The following HAPSTR1 variants were observed in gnomAD, a reference collection of about 807,000 sequenced individuals.
HAPSTR1 encodes the protein HUWE1-associated protein modifying stress responses 1.
chr16:9,119,508 A>C, the HAPSTR1 span: 1 of 152,232 alleles, frequency 6.6e-6, no homozygotes, highest in Non-Finnish European at 1.5e-5. Flanking sequence ...GGGCAAGTTG[A>C]AGTTCATCCT....
chr16:9,121,424 G>A, the HAPSTR1 span: 1 of 152,150 alleles, frequency 6.6e-6, no homozygotes, highest in Non-Finnish European at 1.5e-5. Flanking sequence ...CCAGTGTTGG[G>A]TATTTATACT....
the HAPSTR1 span, chr16:9,091,662 C>G: frequency 8.5e-5 from 34 of 398,154 alleles, no homozygotes; most frequent in Non-Finnish European, 1.3e-4. Context: ...TTGGGGTGGG[C>G]TCCGCGGTGC....
At chr16:9,119,360 T>TG in the HAPSTR1 span, 3 of 152,224 alleles carry the variant, frequency 2.0e-5, no homozygotes, top group Admixed American at 1.3e-4. Context: ...TTCAGTTTCT[T>TG]GAACGGTTAA....
At chr16:9,111,408 A>G in the HAPSTR1 span, 1 of 152,242 alleles carries the variant, frequency 6.6e-6, no homozygotes, top group East Asian at 1.9e-4. Flanking sequence ...TGAAGTCTGG[A>G]ATTTGTAAAT....
chr16:9,098,684 T>C, the HAPSTR1 span, among the ~76,000 whole-genome samples: 1 of 152,126 alleles, frequency 6.6e-6, no homozygotes, highest in Non-Finnish European at 1.5e-5. Context: ...GAATAAAATA[T>C]TTTTCTGTGT....
chr16:9,110,722 T>G, the HAPSTR1 span: 2 of 152,254 alleles, frequency 1.3e-5, no homozygotes, highest in African/African-American at 4.8e-5. Flanking sequence ...CACAAATGTT[T>G]TGGTTAAGTA....
the HAPSTR1 span, chr16:9,117,021 A>G: frequency 6.8e-7 from 1 of 1,468,534 alleles, no homozygotes; most frequent in Non-Finnish European, 9.2e-7. Context: ...TCACTGTTTA[A>G]GACAAGTGAA....
At chr16:9,094,473 G>C in the HAPSTR1 span, among the ~76,000 whole-genome samples, 1 of 151,700 alleles carries the variant, frequency 6.6e-6, no homozygotes, top group Non-Finnish European at 1.5e-5. Context: ...CACTGTTTTA[G>C]GATATATACT....
At chr16:9,092,021 CGAGGCCGCGG>C in the HAPSTR1 span, 121 of 1,483,454 alleles carry the variant, frequency 8.2e-5, no homozygotes, top group South Asian at 2.2e-4. Flanking sequence ...GCGGTGGCGG[CGAGGCCGCGG>C]GAGGCCGCGG....
At chr16:9,112,075 T>A in the HAPSTR1 span, 2 of 152,222 alleles carry the variant, frequency 1.3e-5, no homozygotes, top group Non-Finnish European at 2.9e-5. Flanking sequence ...GTGCTTTATT[T>A]CAATAAAAAT....
chr16:9,104,001 G>A, the HAPSTR1 span: 1 of 152,104 alleles, frequency 6.6e-6, no homozygotes, highest in African/African-American at 2.4e-5. Context: ...ATTGAATACT[G>A]CTGTAGGAAA....
the HAPSTR1 span, among the ~76,000 whole-genome samples, chr16:9,114,912 T>G: frequency 6.6e-6 from 1 of 152,138 alleles, no homozygotes; most frequent in Non-Finnish European, 1.5e-5. Flanking sequence ...ATGTTAATGC[T>G]TCTATTTTTT....
At chr16:9,117,014 C>G in the HAPSTR1 span, 2 of 1,492,898 alleles carry the variant, frequency 1.3e-6, no homozygotes, top group African/African-American at 1.4e-5. Context: ...CCCTTGTTCA[C>G]TGTTTAAGAC....
At chr16:9,106,291 G>A in the HAPSTR1 span, 2 of 149,850 alleles carry the variant, frequency 1.3e-5, no homozygotes, top group Non-Finnish European at 1.5e-5. Flanking sequence ...TTATCAAATA[G>A]GTTTTTTTTT....
At chr16:9,109,699 T>C in the HAPSTR1 span, 1 of 152,242 alleles carries the variant, frequency 6.6e-6, no homozygotes, top group African/African-American at 2.4e-5. Flanking sequence ...GTTCCTTTCA[T>C]GTTTAAAACA....
At chr16:9,116,916 GCAAA>G in the HAPSTR1 span, 2 of 1,612,704 alleles carry the variant, frequency 1.2e-6, no homozygotes, top group East Asian at 2.2e-5. Context: ...GATCTAAACT[GCAAA>G]CATTTTCACA....
chr16:9,099,534 G>A, the HAPSTR1 span, among the ~76,000 whole-genome samples: 2 of 152,196 alleles, frequency 1.3e-5, no homozygotes, highest in Non-Finnish European at 2.9e-5. Flanking sequence ...ATGTGTTGTG[G>A]TTAAAGGTTA....
At chr16:9,120,255 T>C in the HAPSTR1 span, 1 of 152,220 alleles carries the variant, frequency 6.6e-6, no homozygotes, top group Non-Finnish European at 1.5e-5. Flanking sequence ...TAAGTGTTTA[T>C]GGTACCTGCT....
the HAPSTR1 span, chr16:9,121,393 G>GC: frequency 1.3e-5 from 2 of 152,218 alleles, no homozygotes; most frequent in African/African-American, 4.8e-5. Context: ...AAGTAAGAGC[G>GC]CCTGTTCCCT....
Sources: gnomAD v4.1 joint callset for allele counts (sites outside exome capture counted in the v4.1 genomes callset) on GRCh38, gnomAD v4.1.1 for gene constraint, MANE v1.5 for transcripts, NCBI Gene and HGNC (gene_info 2026-07-23, HGNC 2026-07-21) for gene names.